DUSP22: variants seen among roughly 807,000 people sequenced by gnomAD.
The protein encoded by DUSP22 is dual specificity phosphatase 22.
In DUSP22, 24 loss-of-function variants were observed where a neutral mutation model predicts 24.5. That is an observed-to-expected ratio of 0.98 (90% CI 0.71 to 1.38). The LOEUF (loss-of-function observed/expected upper bound fraction) is 1.38, where lower values mean the gene tolerates loss of function less well. Among genes scored for constraint, DUSP22 ranks in the 40% most tolerant of loss-of-function variants. The pLI is 0.00. For missense variants in DUSP22, 330 were observed against 269.2 expected (o/e 1.23, Z -1.58); for synonymous variants, 160 against 106.4 (o/e 1.50, Z -3.10).
At chr6:311,828 G>T in intron 2 of DUSP22, 52 bp from the exon 3 acceptor site, 2 of 1,555,732 alleles carry the variant, frequency 1.3e-6, no homozygotes, top group Non-Finnish European at 1.8e-6. Context: ...GACTTTAGGA[G>T]TAATTAACTT....
In DUSP22 at chr6:350,609, G is replaced by T; in HGVS notation, c.*1658G>T. ...ATGTACACCCGGAAAGGGGAGTGTG[G>T]CTGTAGAATCATCCATCCGTCTACA... On this transcript the variant is annotated 3_prime_UTR_variant, in exon 7 of 7. Coordinates refer to ENST00000419235, the MANE Select transcript of DUSP22 (RefSeq NM_001286555.3). The T allele has an allele frequency of 1.2e-5, 18 of 1,442,142 alleles. No individual in the cohort carries two copies. Among genetic ancestry groups the T allele is most frequent in the Non-Finnish European group, 1.6e-5 (18 of 1,100,634 alleles). 89.3% of individuals were successfully genotyped at this position (1,442,142 alleles called of 1,614,324 possible).
chr6:323,495 C>T (rs1304301795), intron 3 of DUSP22, among the ~76,000 whole-genome samples: 2 of 152,308 alleles, frequency 1.3e-5, no homozygotes, highest in African/African-American at 4.8e-5. Context: ...GCTTCTTTCT[C>T]TTGAGGTCCA....
intron 1 of DUSP22, 60 bp downstream of exon 1, chr6:292,620 C>T (rs1757140043): frequency 4.5e-6 from 7 of 1,561,168 alleles, no homozygotes; most frequent in Non-Finnish European, 5.2e-6. Flanking sequence ...GCCGTCTCGC[C>T]GGCGTCGGCT....
intron 3 of DUSP22, among the ~76,000 whole-genome samples, chr6:317,516 A>G (rs1364283695): frequency 3.3e-5 from 5 of 152,420 alleles, no homozygotes; most frequent in African/African-American, 1.2e-4. Flanking sequence ...CCTTCCTCTG[A>G]GAGGGACACC....
intron 5 of DUSP22, among the ~76,000 whole-genome samples, chr6:347,385 C>T (rs958244581): frequency 6.6e-6 from 1 of 152,304 alleles, no homozygotes; most frequent in Non-Finnish European, 1.5e-5. Flanking sequence ...ATTTGCTGAA[C>T]TTCCCCATCT....
At chr6:300,625 G>A (rs976013145) in intron 1 of DUSP22, among the ~76,000 whole-genome samples, 18 of 152,288 alleles carry the variant, frequency 1.2e-4, no homozygotes, top group East Asian at 3.8e-4. Context: ...GTCTCCTGTC[G>A]GAGTGATCTC....
In DUSP22 at chr6:345,981, T is replaced by A. The variant is rs1759851735; in HGVS notation, c.263+53T>A. ...CTTAGCGTATTCTGGTCGGCTTGGC[T>A]TCCCATCAAGTGTTTTTCCGTGTGT... is the stretch of plus-strand genomic sequence containing the variant. On this transcript the variant is annotated intron_variant, in intron 5 of 6. Coordinates refer to ENST00000419235, the MANE Select transcript of DUSP22 (RefSeq NM_001286555.3). 6.2e-6 allele frequency: 10 copies of A among 1,604,078 alleles called. No individual in the cohort carries two copies. The East Asian group carries it at 2.2e-4, about 36-fold the overall frequency.
intron 3 of DUSP22, among the ~76,000 whole-genome samples, chr6:318,187 A>G (rs896240772): frequency 1.3e-5 from 2 of 152,306 alleles, no homozygotes; most frequent in Non-Finnish European, 2.9e-5. Context: ...TCTGATTGAA[A>G]TCTAGAGAGC....
chr6:317,713 C>CT (rs1325696853), intron 3 of DUSP22, among the ~76,000 whole-genome samples: 1 of 152,310 alleles, frequency 6.6e-6, no homozygotes, highest in East Asian at 1.9e-4. Flanking sequence ...GGCCTGGGAG[C>CT]CCACACAGGC....
chr6:325,073 C>G, intron 3 of DUSP22: 1 of 192,518 alleles, frequency 5.2e-6, no homozygotes, highest in Non-Finnish European at 1.1e-5. Context: ...GGAGAGTCAT[C>G]TGCCCTGGGC....
intron 6 of DUSP22, 28 bp downstream of exon 6, chr6:348,302 A>G (rs1389194642): frequency 6.2e-7 from 1 of 1,613,510 alleles, no homozygotes; most frequent in Non-Finnish European, 8.5e-7. Flanking sequence ...GACATCAGAG[A>G]TGCAGGCAGG....
intron 5 of DUSP22, among the ~76,000 whole-genome samples, chr6:346,429 G>GAGACACAC (rs1554102804): frequency 2.6e-5 from 4 of 151,200 alleles, no homozygotes; most frequent in African/African-American, 9.7e-5. Flanking sequence ...ATTTTGTGTA[G>GAGACACAC]ACACACACAC....
chr6:301,159 G>T (rs552345379), intron 1 of DUSP22, among the ~76,000 whole-genome samples: 1 of 152,298 alleles, frequency 6.6e-6, no homozygotes, highest in Non-Finnish European at 1.5e-5. Context: ...ACTCCCTGGG[G>T]CCAGGGTATC....
rs749581317 is a variant in DUSP22 at position 348,822 on chromosome 6, A to G, written c.489A>G (p.Glu163=). 6.2e-7 allele frequency: 1 copy of G among 1,614,304 alleles called. No individual in the cohort carries two copies. The highest frequency in any genetic ancestry group is 8.5e-7 in the Non-Finnish European group (1 of 1,180,060). Residue 163 remains glutamate, a synonymous_variant, in exon 7 of 7, where the codon GAA becomes GAG. Transcript: ENST00000419235. ...EYGESPLQDA[E]EAKNILGKYK... ...GAGAGAGCCCTTTGCAGGATGCAGA[A>G]GAAGCCAAAAACATTCTGGGTAAAT... is the stretch of plus-strand genomic sequence containing the variant.
rs574311980 is a variant in DUSP22 at position 350,163 on chromosome 6, G to C, written c.*1212G>C. 1.0e-6 allele frequency: 1 copy of C among 986,046 alleles called. No individual in the cohort carries two copies. The highest frequency in any genetic ancestry group is 1.2e-6 in the Non-Finnish European group (1 of 830,460). 61.1% of individuals were successfully genotyped at this position (986,046 alleles called of 1,614,324 possible). A position where few individuals can be genotyped will look rare whatever the true frequency, so the allele number is the denominator to read the frequency against. On this transcript the variant is annotated 3_prime_UTR_variant, in exon 7 of 7. Coordinates refer to ENST00000419235, the MANE Select transcript of DUSP22 (RefSeq NM_001286555.3). ...CTTTGCCTCACAGTTGAAAATGTTC[G>C]GTCATGATTGCTTTTGAAACCAAAG...
At chr6:323,516 C>T (rs1758705641) in intron 3 of DUSP22, among the ~76,000 whole-genome samples, 1 of 152,304 alleles carries the variant, frequency 6.6e-6, no homozygotes, top group Non-Finnish European at 1.5e-5. Flanking sequence ...ACTTTTTGTT[C>T]TCAGGTTTTT....
At chr6:328,757 T>C (rs570148404) in intron 3 of DUSP22, among the ~76,000 whole-genome samples, 5 of 152,428 alleles carry the variant, frequency 3.3e-5, no homozygotes, top group African/African-American at 1.2e-4. Flanking sequence ...TAATGGAGCA[T>C]ATTTATCTGC....
At chr6:330,628 G>C (rs1347337559) in intron 3 of DUSP22, among the ~76,000 whole-genome samples, 1 of 152,300 alleles carries the variant, frequency 6.6e-6, no homozygotes, top group Non-Finnish European at 1.5e-5. Flanking sequence ...ACTTTTGGTG[G>C]TTACTATACT....
intron 6 of DUSP22, 172 bp downstream of exon 6, chr6:348,446 G>C (rs1393263281): frequency 8.7e-7 from 1 of 1,146,802 alleles, no homozygotes. Context: ...GATCCCTCGT[G>C]CACCTGTTGA....
Sources: allele counts gnomAD v4.1 joint callset (sites outside exome capture counted in the v4.1 genomes callset), GRCh38; gene constraint gnomAD v4.1.1; transcripts MANE v1.5; gene names NCBI Gene and HGNC (gene_info 2026-07-23, HGNC 2026-07-21).